The following CADPS variants were observed in gnomAD, a reference collection of about 807,000 sequenced individuals.
The protein encoded by CADPS is calcium dependent secretion activator.
Under a neutral mutation model 167.3 loss-of-function variants are expected in CADPS, and 57 were observed. The observed-to-expected ratio is 0.34, with a 90% CI of 0.28 to 0.42. The LOEUF is 0.42. Ranked by LOEUF, CADPS falls within the 20% of genes least tolerant of loss-of-function variation. CADPS has a pLI of 1.00. For synonymous variants in CADPS, 676 were observed against 635.3 expected (o/e 1.06, Z -0.96); for missense variants, 1,414 against 1,738.1 (o/e 0.81, Z 3.32).
chr3:62,598,711 A>G (rs1165279446), intron 6 of CADPS, among the ~76,000 whole-genome samples: 1 of 152,224 alleles, frequency 6.6e-6, no homozygotes, highest in Non-Finnish European at 1.5e-5. Flanking sequence ...TCAGGGTCAC[A>G]CACAAGGAGT....
intron 1 of CADPS, among the ~76,000 whole-genome samples, chr3:62,844,002 A>G (rs2077012447): frequency 6.6e-6 from 1 of 152,232 alleles, no homozygotes; most frequent in African/African-American, 2.4e-5. Flanking sequence ...TGGCAAGTAT[A>G]TAAAATTTGA....
Position 62,446,487 on chromosome 3 carries a change from AACTCT to A in CADPS, c.3637-695_3637-691del, listed in dbSNP as rs969863104. On this transcript the variant is annotated intron_variant, in intron 26 of 29. Coordinates refer to ENST00000383710, the MANE Select transcript of CADPS (RefSeq NM_003716.4). The surrounding 1 kb of genome is among the most constrained non-coding windows in gnomAD (Gnocchi z 4.9). ...GGAGTCAGATCTCAGTTCGAATCCC[AACTCT>A]ACCACTTACAAGCTGTGTGACCTTG... is the stretch of plus-strand genomic sequence containing the variant. Among the ~76,000 whole-genome samples, 74 of 152,146 alleles carry A rather than the reference AACTCT, an allele frequency of 4.9e-4. 1 individual carries two copies. The highest frequency in any genetic ancestry group is 1.7e-3 in the African/African-American group (69 of 41,436).
chr3:62,559,533 T>C (rs908137086), intron 9 of CADPS, among the ~76,000 whole-genome samples: 13 of 152,192 alleles, frequency 8.5e-5, no homozygotes, highest in African/African-American at 3.1e-4. Context: ...TTCTTCTTGT[T>C]GCCCAGACTG....
rs561963291 is a variant in CADPS, at chr3:62,872,823, C to T, written c.441+1766G>A. Among the ~76,000 whole-genome samples, 14 of 152,254 alleles carry T rather than the reference C, an allele frequency of 9.2e-5. No individual in the cohort carries two copies. In the South Asian group the frequency reaches 1.7e-3, roughly 18 times the overall value. On this transcript the variant is annotated intron_variant, in intron 1 of 29. Coordinates refer to ENST00000383710, the MANE Select transcript of CADPS (RefSeq NM_003716.4). The stretch of plus-strand genomic sequence containing the variant: ...CTCTAGACATCTCCCCCACCCCTTT[C>T]GACCTAACACTTAAAGTCACAGTTT...
chr3:62,652,352 C>T (rs570465645), intron 4 of CADPS, among the ~76,000 whole-genome samples: 2 of 149,466 alleles, frequency 1.3e-5, no homozygotes, highest in Admixed American at 6.7e-5. Context: ...AGTAGAACCC[C>T]ACCTAGATCC....
chr3:62,674,136 G>A (rs1465118763), intron 3 of CADPS, among the ~76,000 whole-genome samples: 1 of 152,166 alleles, frequency 6.6e-6, no homozygotes, highest in Non-Finnish European at 1.5e-5. Flanking sequence ...GTGCATGCAT[G>A]TGAGTGGTGT....
In CADPS at chr3:62,521,288, A is replaced by G. The variant is rs1205008876; in HGVS notation, c.2292-3038T>C. Among the ~76,000 whole-genome samples the G allele has an allele frequency of 2.0e-5, 3 of 152,240 alleles. No individual in the cohort carries two copies. The East Asian group carries it at 5.8e-4, about 29-fold the overall frequency. ...GGGTATATTTGATTCAGGGTTCCTG[A>G]TTTCTCTTAGGTTGGAGTGGATTTG... On this transcript the variant is annotated intron_variant, in intron 13 of 29. Coordinates refer to ENST00000383710, the MANE Select transcript of CADPS (RefSeq NM_003716.4).
At chr3:62,802,958 C>G (rs948659829) in intron 1 of CADPS, among the ~76,000 whole-genome samples, 1 of 152,124 alleles carries the variant, frequency 6.6e-6, no homozygotes, top group African/African-American at 2.4e-5. Context: ...AGTTTTCAGA[C>G]TTAGAAGGCA....
intron 1 of CADPS, among the ~76,000 whole-genome samples, chr3:62,856,183 T>G (rs2079650181): frequency 6.6e-6 from 1 of 152,124 alleles, no homozygotes; most frequent in Non-Finnish European, 1.5e-5. Context: ...AGCCCTGAGC[T>G]CCCATGTTTT....
In CADPS at chr3:62,455,594, G is replaced by T. The variant is rs1003413285; in HGVS notation, c.3636+9773C>A. On this transcript the variant is annotated intron_variant, in intron 26 of 29. Transcript: ENST00000383710. This position sits in a 1 kb window ranked among gnomAD's most constrained non-coding sequence, Gnocchi z 4.4. ...AAGAGAAACTTGGAAGTGCAAATTG[G>T]AAAGTTTTAATTTTGTAAAATCTCC... Among the ~76,000 whole-genome samples, 3 of 152,164 alleles carry T rather than the reference G, an allele frequency of 2.0e-5. No homozygotes were observed. Among genetic ancestry groups the T allele is most frequent in the African/African-American group, 7.2e-5 (3 of 41,442 alleles).
At chr3:62,691,160 G>A (rs4260431) in intron 3 of CADPS, among the ~76,000 whole-genome samples, 133,293 of 152,004 alleles carry the variant, frequency 0.88, 58,612 homozygotes, top group East Asian at 0.98. Flanking sequence ...GTTGTCAGTG[G>A]TTGAGGGGGA....
intron 1 of CADPS, among the ~76,000 whole-genome samples, chr3:62,860,707 G>T (rs1274085342): frequency 3.9e-5 from 6 of 152,232 alleles, no homozygotes; most frequent in Admixed American, 2.0e-4. Flanking sequence ...ACACATAAAA[G>T]ATAGAAAAGA....
chr3:62,734,182 C>T (rs886123759), intron 3 of CADPS, among the ~76,000 whole-genome samples: 1 of 152,108 alleles, frequency 6.6e-6, no homozygotes, highest in African/African-American at 2.4e-5. Flanking sequence ...TACCTATGTA[C>T]CCATTCATAA....
chr3:62,724,263 A>G (rs2076339712), intron 3 of CADPS, among the ~76,000 whole-genome samples: 1 of 151,982 alleles, frequency 6.6e-6, no homozygotes, highest in African/African-American at 2.4e-5. Flanking sequence ...TTCCTCATCC[A>G]CATGTCTACG....
intron 3 of CADPS, among the ~76,000 whole-genome samples, chr3:62,725,394 A>C (rs2076554958): frequency 6.6e-6 from 1 of 152,188 alleles, no homozygotes; most frequent in Admixed American, 6.5e-5. Context: ...GTACATTTAA[A>C]TCCTAACAAT....
chr3:62,577,147 T>A (rs958907649), intron 8 of CADPS, among the ~76,000 whole-genome samples: 2 of 152,156 alleles, frequency 1.3e-5, no homozygotes, highest in Non-Finnish European at 2.9e-5. Flanking sequence ...TCAGTGTCCC[T>A]CTGCTCTGGG....
At chr3:62,808,161 C>T (rs565406570) in intron 1 of CADPS, among the ~76,000 whole-genome samples, 8 of 152,278 alleles carry the variant, frequency 5.3e-5, no homozygotes, top group East Asian at 1.9e-4. Context: ...GTATGAGCCA[C>T]TGCACCCAGC....
At chr3:62,677,487 C>A (rs374109803) in intron 3 of CADPS, among the ~76,000 whole-genome samples, 1 of 152,070 alleles carries the variant, frequency 6.6e-6, no homozygotes, top group East Asian at 1.9e-4. Flanking sequence ...AGACATTTTT[C>A]GTTGTCACAA....
chr3:62,404,041 T>C (rs1707412511), intron 28 of CADPS: 1 of 152,138 alleles, frequency 6.6e-6, no homozygotes, highest in South Asian at 2.1e-4. Flanking sequence ...TTCATAAATC[T>C]CACTCGGAGA....
Sources: gnomAD v4.1 joint callset for allele counts (sites outside exome capture counted in the v4.1 genomes callset) on GRCh38, gnomAD v4.1.1 for gene constraint, Gnocchi (gnomAD v3.1) non-coding constraint, MANE v1.5 for transcripts, NCBI Gene and HGNC (gene_info 2026-07-23, HGNC 2026-07-21) for gene names.